Variants in FGD4 observed in about 807,000 individuals in gnomAD.
The protein encoded by FGD4 is FYVE, RhoGEF and PH domain containing 4.
FGD4 carries 42 observed loss-of-function variants against 102.0 expected under a neutral mutation model. The observed-to-expected ratio is 0.41, with a 90% CI of 0.32 to 0.53. The LOEUF is 0.53. FGD4 is among the 20% of genes least tolerant of loss of function. FGD4 has a pLI of 0.21. For missense variants in FGD4, 902 were observed against 1,078.2 expected, an observed-to-expected ratio of 0.84 and a Z score of 2.29; for synonymous variants, 380 against 375.7, an observed-to-expected ratio of 1.01 and a Z score of -0.13.
At chr12:32,598,385 T>A in intron 4 of FGD4, 112 bp from the exon 5 acceptor site, 1 of 741,008 alleles carries the variant, frequency 1.3e-6, no homozygotes, top group South Asian at 1.8e-5. Context: ...ACCGAGTAAC[T>A]GAAAAGCTTG....
intron 1 of FGD4, among the ~76,000 whole-genome samples, chr12:32,543,614 C>T (rs1281824016): frequency 6.6e-6 from 1 of 152,160 alleles, no homozygotes; most frequent in Non-Finnish European, 1.5e-5. Context: ...ATTATCCCCA[C>T]CACTTAGGAA....
chr12:32,619,866 G>A lies in FGD4; in HGVS notation c.1918G>A (p.Ala640Thr), dbSNP rs1195507533. ...SGKERTLELQ[A>T]SSAQDKEEWI... ...GAAAGAGAGAACACTGGAACTGCAGGCCAGGTAAGGGAACCATTTCTATCA... is the reference window on the plus strand; with the variant it reads ...GAAAGAGAGAACACTGGAACTGCAGACCAGGTAAGGGAACCATTTCTATCA... The change falls in exon 11 of 17, where the codon GCC (alanine) becomes ACC (threonine). Residue 640 changes from alanine (A) to threonine (T), a missense_variant. Coordinates refer to ENST00000534526, the MANE Select transcript of FGD4 (RefSeq NM_001370298.3). 1 of 1,614,088 alleles carries A rather than the reference G, an allele frequency of 6.2e-7. No individual in the cohort carries two copies. Among genetic ancestry groups the A allele is most frequent in the Admixed American group, 1.7e-5 (1 of 60,018 alleles).
chr12:32,631,410 T>G (rs898398447), intron 14 of FGD4, among the ~76,000 whole-genome samples: 1 of 152,202 alleles, frequency 6.6e-6, no homozygotes. Context: ...TTCATATTGA[T>G]AGTTGTTTTA....
intron 1 of FGD4, among the ~76,000 whole-genome samples, chr12:32,449,279 T>C (rs1481340275): frequency 1.3e-5 from 2 of 152,250 alleles, no homozygotes; most frequent in Non-Finnish European, 2.9e-5. Context: ...TGATCCATTA[T>C]TACCATGTAA....
intron 1 of FGD4, among the ~76,000 whole-genome samples, chr12:32,537,140 T>C (rs1179364187): frequency 6.6e-6 from 1 of 152,052 alleles, no homozygotes; most frequent in African/African-American, 2.4e-5. Flanking sequence ...AATCTCCTGA[T>C]CTCATTATCC....
chr12:32,423,136 T>C (rs1941703693), intron 1 of FGD4, among the ~76,000 whole-genome samples: 1 of 152,188 alleles, frequency 6.6e-6, no homozygotes, highest in South Asian at 2.1e-4. Flanking sequence ...ATATTCTTTA[T>C]CCAGTTTGTC....
At chr12:32,596,107 CCT>C (rs1947870905) in intron 4 of FGD4, among the ~76,000 whole-genome samples, 1 of 151,906 alleles carries the variant, frequency 6.6e-6, no homozygotes, top group African/African-American at 2.4e-5. Context: ...TAGAGTTTTG[CCT>C]ATACTTTATA....
At chr12:32,563,132 T>G (rs1364754396) in intron 1 of FGD4, among the ~76,000 whole-genome samples, 1 of 147,130 alleles carries the variant, frequency 6.8e-6, no homozygotes. Context: ...ACGGCTGGCC[T>G]GGCGGGGGCT....
chr12:32,601,566 G>C (rs966462704), intron 6 of FGD4, 143 bp downstream of exon 6: 1 of 1,013,438 alleles, frequency 9.9e-7, no homozygotes, highest in African/African-American at 1.6e-5. Context: ...GATAGAAGTT[G>C]TGGTACAAAG....
At chr12:32,504,873 TA>T (rs1320819925) in intron 1 of FGD4, among the ~76,000 whole-genome samples, 2 of 152,218 alleles carry the variant, frequency 1.3e-5, no homozygotes, top group Non-Finnish European at 2.9e-5. Flanking sequence ...TTGCCTGACA[TA>T]ACAAATTCAA....
intron 11 of FGD4, among the ~76,000 whole-genome samples, chr12:32,623,193 GA>G (rs1315361899): frequency 6.6e-6 from 1 of 151,638 alleles, no homozygotes; most frequent in Non-Finnish European, 1.5e-5. Context: ...ATATAAAGGG[GA>G]AAAAAATCTA....
In FGD4 at chr12:32,582,092, G is replaced by A. The variant is rs1565869047; in HGVS notation, c.636G>A (p.Gln212=). ...TCTCCCAGCACTTGCCACAGAGGCA[G>A]GGAAATGATACAGATAAGACTCAGG... is the stretch of plus-strand genomic sequence containing the variant. ...KLLSQHLPQR[Q]GNDTDKTQGA... The change falls in exon 4 of 17, where the codon CAG becomes CAA. Residue 212 remains glutamine (Q), a synonymous_variant. Transcript: ENST00000534526. 2.5e-6 allele frequency: 4 copies of A among 1,614,198 alleles called. No individual in the cohort carries two copies. The highest frequency in any genetic ancestry group is 3.4e-6 in the Non-Finnish European group (4 of 1,180,040).
At chr12:32,529,916 A>G (rs1355159028) in intron 1 of FGD4, among the ~76,000 whole-genome samples, 1 of 152,060 alleles carries the variant, frequency 6.6e-6, no homozygotes, top group Non-Finnish European at 1.5e-5. Flanking sequence ...GAAGTCTTCA[A>G]TTATATGACA....
chr12:32,619,622 A>G (rs1949676634), intron 10 of FGD4, 76 bp from the exon 11 acceptor site: 1 of 1,521,210 alleles, frequency 6.6e-7, no homozygotes, highest in Non-Finnish European at 9.1e-7. Context: ...ACAGAGTGAG[A>G]CTCTGTCTCA....
intron 2 of FGD4, among the ~76,000 whole-genome samples, chr12:32,564,505 T>C (rs184460051): frequency 2.0e-5 from 3 of 152,364 alleles, no homozygotes; most frequent in African/African-American, 7.2e-5. Context: ...ATGGATCTTT[T>C]CATGTTGCTG....
At chr12:32,505,277 G>T (rs893942189) in intron 1 of FGD4, among the ~76,000 whole-genome samples, 4 of 152,198 alleles carry the variant, frequency 2.6e-5, no homozygotes, top group Admixed American at 6.5e-5. Flanking sequence ...TGCTTGGAAT[G>T]AGTTAATTGT....
chr12:32,479,662 C>G (rs1031704039), intron 1 of FGD4, among the ~76,000 whole-genome samples: 7 of 150,484 alleles, frequency 4.7e-5, no homozygotes, highest in Non-Finnish European at 1.0e-4. Context: ...ATACATTTCA[C>G]TTTTTCCTGT....
intron 1 of FGD4, among the ~76,000 whole-genome samples, chr12:32,428,550 G>A (rs1484694468): frequency 2.6e-5 from 4 of 151,998 alleles, no homozygotes; most frequent in Non-Finnish European, 5.9e-5. Context: ...TCTTGGGGTC[G>A]CTCTTCTCGA....
chr12:32,454,268 G>A lies in FGD4; in HGVS notation c.166+54309G>A, dbSNP rs139349261. Among the ~76,000 whole-genome samples, 14 of 152,222 alleles carry A rather than the reference G, an allele frequency of 9.2e-5. No homozygotes were observed. In the East Asian group the frequency reaches 1.5e-3, roughly 17 times the overall value. On this transcript the variant is annotated intron_variant, in intron 1 of 16. Coordinates refer to ENST00000534526, the MANE Select transcript of FGD4 (RefSeq NM_001370298.3). ...ACTTGAAGGAATGAGCATTTGTACCGCATGCAAGGGTTTTTACTCTTTCTA... is the reference window on the plus strand; with the variant it reads ...ACTTGAAGGAATGAGCATTTGTACCACATGCAAGGGTTTTTACTCTTTCTA...
Sources: allele counts gnomAD v4.1 joint callset (sites outside exome capture counted in the v4.1 genomes callset), GRCh38; gene constraint gnomAD v4.1.1; transcripts MANE v1.5; gene names NCBI Gene and HGNC (gene_info 2026-07-23, HGNC 2026-07-21).